Variants in BCAS3 observed in about 807,000 individuals in gnomAD.
BCAS3 encodes the protein BCAS4/BCAS3 fusion.
A neutral mutation model predicts 116.1 loss-of-function variants in BCAS3; 53 were observed. The observed-to-expected ratio is 0.46, with a 90% confidence interval of 0.37 to 0.57. BCAS3 has a LOEUF of 0.57. Ranked by LOEUF, BCAS3 falls within the 20% of genes least tolerant of loss-of-function variation. The pLI is 0.00. For synonymous variants in BCAS3, 391 were observed against 408.2 expected, an observed-to-expected ratio of 0.96 and a Z score of 0.51; for missense variants, 917 against 1,165.4, an observed-to-expected ratio of 0.79 and a Z score of 3.10.
chr17:60,988,896 A>G (rs557464055), intron 14 of BCAS3, among the ~76,000 whole-genome samples: 1 of 151,160 alleles, frequency 6.6e-6, no homozygotes, highest in East Asian at 2.0e-4. Context: ...TTCTGCTTTG[A>G]TCTTTATTAT....
intron 4 of BCAS3, among the ~76,000 whole-genome samples, chr17:60,692,574 A>AGC (rs1242314876): frequency 2.0e-5 from 3 of 151,782 alleles, no homozygotes; most frequent in African/African-American, 7.3e-5. Context: ...ATGCATGTTG[A>AGC]ATATTGAAAC....
chr17:60,811,645 G>A (rs556531903), intron 7 of BCAS3, among the ~76,000 whole-genome samples: 1 of 152,260 alleles, frequency 6.6e-6, no homozygotes, highest in East Asian at 1.9e-4. Flanking sequence ...AAGAATTAAA[G>A]GAAAGGGTTA....
rs558134952 is a variant in BCAS3, at chr17:60,816,565, G to A, written c.476+8489G>A. Among the ~76,000 whole-genome samples, 44 of 152,216 alleles carry A rather than the reference G, an allele frequency of 2.9e-4. No homozygotes were observed. The South Asian group carries it at 3.1e-3, about 11-fold the overall frequency. ...TGGGATTACAGGCGTGCACTACCGC[G>A]GCTGGCCAGCTTTTCATTTTTATAA... On this transcript the variant is annotated intron_variant, in intron 7 of 23. Coordinates refer to ENST00000407086, the MANE Select transcript of BCAS3 (RefSeq NM_017679.5).
At chr17:60,700,543 GA>G (rs1433733220) in intron 4 of BCAS3, among the ~76,000 whole-genome samples, 3 of 152,178 alleles carry the variant, frequency 2.0e-5, no homozygotes, top group African/African-American at 7.2e-5. Flanking sequence ...GTAATGGGTG[GA>G]ATGAGTTAAC....
At chr17:61,110,523 C>T (rs561192566) in intron 22 of BCAS3, among the ~76,000 whole-genome samples, 4 of 152,128 alleles carry the variant, frequency 2.6e-5, no homozygotes, top group South Asian at 4.2e-4. Flanking sequence ...CTGAATATTG[C>T]GCTTTTCGGA....
At chr17:61,311,817 C>T (rs1307332711) in intron 22 of BCAS3, among the ~76,000 whole-genome samples, 5 of 152,130 alleles carry the variant, frequency 3.3e-5, no homozygotes, top group Non-Finnish European at 4.4e-5. Context: ...TCTCTTGAAC[C>T]TGGGAGGCGG....
In BCAS3 at chr17:61,128,651, C is replaced by G; in HGVS notation, c.2425+44087C>G. 1 of 938,868 alleles carries G rather than the reference C, an allele frequency of 1.1e-6. No homozygotes were observed. The highest frequency in any genetic ancestry group is 1.3e-6 in the Non-Finnish European group (1 of 787,616). The allele number at this position is 938,868 out of a possible 1,614,324, so 58.2% of individuals were successfully genotyped here. On this transcript the variant is annotated intron_variant, in intron 22 of 23. Coordinates refer to ENST00000407086, the MANE Select transcript of BCAS3 (RefSeq NM_017679.5). This position sits in a 1 kb window ranked among gnomAD's most constrained non-coding sequence, Gnocchi z 4.1. Reference sequence around the variant, plus strand: ...GTTTGTGACAGAAACTGTTAGCCCTCTTTTGTATTGTTTCTGCATCGTCCT... The same window carrying G: ...GTTTGTGACAGAAACTGTTAGCCCTGTTTTGTATTGTTTCTGCATCGTCCT...
intron 14 of BCAS3, among the ~76,000 whole-genome samples, chr17:60,986,381 G>T (rs189834781): frequency 6.6e-6 from 1 of 152,036 alleles, no homozygotes; most frequent in Non-Finnish European, 1.5e-5. Context: ...TGGATCATAC[G>T]GTAGCTCTAG....
intron 16 of BCAS3, among the ~76,000 whole-genome samples, chr17:61,031,673 C>T (rs1182474310): frequency 1.3e-5 from 2 of 151,828 alleles, no homozygotes; most frequent in African/African-American, 4.8e-5. Context: ...ATGTGTTTAC[C>T]CAATATGCTT....
chr17:60,713,426 G>GA (rs1402035120), intron 5 of BCAS3, among the ~76,000 whole-genome samples: 5 of 152,160 alleles, frequency 3.3e-5, no homozygotes, highest in African/African-American at 1.2e-4. Flanking sequence ...GGCCAACCTA[G>GA]AAAAAAATGA....
At chr17:60,881,150 A>G (rs930981394) in intron 9 of BCAS3, among the ~76,000 whole-genome samples, 2 of 151,874 alleles carry the variant, frequency 1.3e-5, no homozygotes, top group African/African-American at 4.8e-5. Context: ...AATTTTTTGT[A>G]TTTTTAGTAG....
chr17:60,959,221 C>A (rs914323591), intron 14 of BCAS3, among the ~76,000 whole-genome samples: 1 of 152,000 alleles, frequency 6.6e-6, no homozygotes, highest in Non-Finnish European at 1.5e-5. Flanking sequence ...GTGGAAGGAT[C>A]GCTTGAGCCT....
Position 61,371,729 on chromosome 17 carries a change from T to A in BCAS3, c.2593+3235T>A, listed in dbSNP as rs563120954. Among the ~76,000 whole-genome samples the A allele has an allele frequency of 3.3e-5, 5 of 152,300 alleles. No homozygotes were observed. The East Asian group carries it at 9.6e-4, about 29-fold the overall frequency. ...GTCAATTAAAAAATATATATTTTTT[T>A]AAAAGTGTGGTCTTCAGACCCACAG... is the stretch of plus-strand genomic sequence containing the variant. On this transcript the variant is annotated intron_variant, in intron 23 of 23. Transcript: ENST00000407086.
chr17:60,767,734 G>GTGTC (rs2044261856), intron 6 of BCAS3, among the ~76,000 whole-genome samples: 1 of 152,136 alleles, frequency 6.6e-6, no homozygotes, highest in African/African-American at 2.4e-5. Context: ...CATGTGTCCA[G>GTGTC]TGTCTTTACA....
At chr17:60,912,884 G>A (rs1178029887) in intron 12 of BCAS3, among the ~76,000 whole-genome samples, 1 of 152,020 alleles carries the variant, frequency 6.6e-6, no homozygotes, top group African/African-American at 2.4e-5. Context: ...TTTGTTGATG[G>A]AGAGATTTGG....
At chr17:60,957,688 T>C (rs7216518) in intron 14 of BCAS3, among the ~76,000 whole-genome samples, 22,522 of 152,184 alleles carry the variant, frequency 0.15, 5,523 homozygotes, top group African/African-American at 0.51. Flanking sequence ...ATTCCTGTTT[T>C]CCCTGCTCCC....
intron 14 of BCAS3, among the ~76,000 whole-genome samples, chr17:60,951,601 G>A (rs924289334): frequency 8.6e-5 from 13 of 152,040 alleles, no homozygotes; most frequent in African/African-American, 3.1e-4. Context: ...CCTAGCACTG[G>A]AGATCTGAGG....
In BCAS3 at chr17:61,310,853, G is replaced by A. The variant is rs1329313827; in HGVS notation, c.2426-57474G>A. Among the ~76,000 whole-genome samples, 4 of 152,176 alleles carry A rather than the reference G, an allele frequency of 2.6e-5. No individual in the cohort carries two copies. In the East Asian group the frequency reaches 5.8e-4, roughly 22 times the overall value. ...CCTGTGTGTGTAGGGGAGGCTCTGG[G>A]AGGCAGGTAGAATGCCGATGAGGAT... On this transcript the variant is annotated intron_variant, in intron 22 of 23. Transcript: ENST00000407086.
At chr17:61,174,535 G>T (rs2144134436) in intron 22 of BCAS3, among the ~76,000 whole-genome samples, 1 of 152,242 alleles carries the variant, frequency 6.6e-6, no homozygotes, top group Non-Finnish European at 1.5e-5. Flanking sequence ...TTGTGCATAT[G>T]TACCACATTT....
Sources: allele counts gnomAD v4.1 joint callset (sites outside exome capture counted in the v4.1 genomes callset), GRCh38; gene constraint gnomAD v4.1.1; non-coding constraint Gnocchi (gnomAD v3.1); transcripts MANE v1.5; gene names NCBI Gene and HGNC (gene_info 2026-07-23, HGNC 2026-07-21).